The following FRMD4B variants were observed in gnomAD, a reference collection of about 807,000 sequenced individuals.
FRMD4B encodes the protein FERM domain containing 4B.
A neutral mutation model predicts 141.5 loss-of-function variants in FRMD4B; 74 were observed. The ratio of observed to expected loss-of-function variants is 0.52; its 90% CI spans 0.43 to 0.63. The LOEUF (loss-of-function observed/expected upper bound fraction) is 0.63, where lower values mean the gene tolerates loss of function less well. Ranked by LOEUF, FRMD4B falls within the 30% of genes least tolerant of loss-of-function variation. The pLI, the probability that FRMD4B is intolerant of heterozygous loss-of-function variation, is 0.00. For missense variants in FRMD4B, 1,366 were observed against 1,253.4 expected, an observed-to-expected ratio of 1.09 and a Z score of -1.36; for synonymous variants, 506 against 467.9, an observed-to-expected ratio of 1.08 and a Z score of -1.05.
Position 69,250,065 on chromosome 3 carries a change from T to G in FRMD4B, c.536A>C (p.Lys179Thr), listed in dbSNP as rs758740632. 2 of 1,610,894 alleles carry G rather than the reference T, an allele frequency of 1.2e-6. No homozygotes were observed. The highest frequency in any genetic ancestry group is 1.1e-5 in the South Asian group (1 of 91,026). ...TACCTGTAAAATAAACGCTGCTAAC[T>G]TGAAGATGGTTTCGCTCTCTACTTC... is the stretch of plus-strand genomic sequence containing the variant. ...QIEVESETIF[K>T]LAAFILQEAK... Residue 179 changes from lysine (K) to threonine (T), a missense_variant, in exon 6 of 23, where the codon AAG becomes ACG. Lys to Thr is a moderately conservative substitution (Grantham distance 78). Coordinates refer to ENST00000398540, the MANE Select transcript of FRMD4B (RefSeq NM_015123.3).
intron 2 of FRMD4B, among the ~76,000 whole-genome samples, chr3:69,404,568 G>C (rs1007031058): frequency 6.6e-6 from 1 of 152,024 alleles, no homozygotes; most frequent in Non-Finnish European, 1.5e-5. Context: ...CTTCTATTAT[G>C]GTAAAGCTGA....
At chr3:69,251,199 G>A (rs1041162688) in intron 5 of FRMD4B, among the ~76,000 whole-genome samples, 4 of 152,136 alleles carry the variant, frequency 2.6e-5, no homozygotes, top group African/African-American at 9.7e-5. Flanking sequence ...TGTATAATTA[G>A]TACTTGAAAG....
At chr3:69,447,338 C>A (rs556035676) in intron 1 of FRMD4B, among the ~76,000 whole-genome samples, 1 of 152,024 alleles carries the variant, frequency 6.6e-6, no homozygotes, top group Non-Finnish European at 1.5e-5. Context: ...ATAACCAGAA[C>A]CTTGATTTGG....
At chr3:69,303,048 T>C (rs1034308793) in intron 3 of FRMD4B, among the ~76,000 whole-genome samples, 2 of 152,308 alleles carry the variant, frequency 1.3e-5, no homozygotes, top group East Asian at 1.9e-4. Flanking sequence ...CACTCCAGCC[T>C]GGGCAACATC....
At chr3:69,490,365 T>C (rs973305316) in intron 1 of FRMD4B, among the ~76,000 whole-genome samples, 2 of 152,230 alleles carry the variant, frequency 1.3e-5, no homozygotes, top group African/African-American at 2.4e-5. Context: ...CATCAGTTCT[T>C]CTTTTTGTCA....
At position 69,278,762 on chromosome 3, in the gene FRMD4B, T is replaced by TA. The variant is rs151000941; in HGVS notation, c.501+8989dup. Among the ~76,000 whole-genome samples the TA allele has an allele frequency of 2.5e-3, 375 of 152,270 alleles. 15 individuals carry two copies. The East Asian group carries it at 0.065, about 27-fold the overall frequency. On this transcript the variant is annotated intron_variant, in intron 5 of 22. Coordinates refer to ENST00000398540, the MANE Select transcript of FRMD4B (RefSeq NM_015123.3). ...CCACTGCACCTGGCTAATTTTTTTT[T>TA]ATTTTTTGTAGAGACGGGGTTTCAC...
At chr3:69,283,488 T>C (rs1159684328) in intron 5 of FRMD4B, among the ~76,000 whole-genome samples, 1 of 150,160 alleles carries the variant, frequency 6.7e-6, no homozygotes, top group Non-Finnish European at 1.5e-5. Context: ...TGAAATGCAG[T>C]AGCATTTAAA....
chr3:69,540,636 A>AAATAT (rs1553652109), intron 1 of FRMD4B, among the ~76,000 whole-genome samples: 24 of 69,532 alleles, frequency 3.5e-4, no homozygotes, highest in Non-Finnish European at 4.6e-4. Context: ...AAAAAAAAAA[A>AAATAT]ATATATATAT....
At chr3:69,335,627 C>A (rs1219950180) in intron 1 of FRMD4B, among the ~76,000 whole-genome samples, 1 of 151,770 alleles carries the variant, frequency 6.6e-6, no homozygotes, top group African/African-American at 2.4e-5. Flanking sequence ...CATAATTGCA[C>A]TCTTAAGGAG....
At chr3:69,291,927 T>TTTTTTTTTTTA (rs1700889698) in intron 4 of FRMD4B, among the ~76,000 whole-genome samples, 1 of 149,538 alleles carries the variant, frequency 6.7e-6, no homozygotes. Context: ...TTTTTTTTTT[T>TTTTTTTTTTTA]TTTTTTCCAT....
chr3:69,227,083 G>A (rs925230789), intron 7 of FRMD4B, among the ~76,000 whole-genome samples: 18 of 152,188 alleles, frequency 1.2e-4, no homozygotes, highest in African/African-American at 4.3e-4. Context: ...GAAAGATGAA[G>A]TTTAGTCTTC....
chr3:69,265,232 GCAACACAGC>G, intron 5 of FRMD4B, among the ~76,000 whole-genome samples: 1 of 105,164 alleles, frequency 9.5e-6, no homozygotes, highest in African/African-American at 3.8e-5. Flanking sequence ...TCCAGCCTGG[GCAACACAGC>G]GAGACTCCAT....
chr3:69,479,197 T>C (rs1186722408), intron 1 of FRMD4B, among the ~76,000 whole-genome samples: 2 of 150,914 alleles, frequency 1.3e-5, no homozygotes, highest in African/African-American at 2.5e-5. Flanking sequence ...GAGCATTTAG[T>C]CCATTTACAT....
chr3:69,452,915 T>C (rs1705523262), intron 1 of FRMD4B, among the ~76,000 whole-genome samples: 1 of 152,022 alleles, frequency 6.6e-6, no homozygotes, highest in Admixed American at 6.6e-5. Flanking sequence ...GCCAAAACAT[T>C]ATTATTTTAC....
At chr3:69,314,077 T>G (rs1701707672) in intron 1 of FRMD4B, among the ~76,000 whole-genome samples, 3 of 115,390 alleles carry the variant, frequency 2.6e-5, no homozygotes, top group Non-Finnish European at 4.9e-5. Flanking sequence ...AGGCGGAGCT[T>G]GCAGTGAGCC....
intron 1 of FRMD4B, among the ~76,000 whole-genome samples, chr3:69,499,591 A>G (rs1367265667): frequency 6.6e-6 from 1 of 152,216 alleles, no homozygotes; most frequent in Non-Finnish European, 1.5e-5. Context: ...TGCAATCCAC[A>G]TCTCTATAGC....
At chr3:69,445,973 T>G (rs1471335359) in intron 1 of FRMD4B, among the ~76,000 whole-genome samples, 1 of 152,176 alleles carries the variant, frequency 6.6e-6, no homozygotes, top group East Asian at 1.9e-4. Context: ...CCTGGGACAA[T>G]GCACATAGTA....
At chr3:69,190,989 A>G (rs924966764) in intron 17 of FRMD4B, among the ~76,000 whole-genome samples, 5 of 152,252 alleles carry the variant, frequency 3.3e-5, no homozygotes, top group Non-Finnish European at 7.3e-5. Flanking sequence ...TAACGGATGT[A>G]AAGCCCCTAG....
At chr3:69,175,383 CAG>C (rs1230599910) in intron 22 of FRMD4B, among the ~76,000 whole-genome samples, 1 of 152,186 alleles carries the variant, frequency 6.6e-6, no homozygotes, top group Non-Finnish European at 1.5e-5. Flanking sequence ...AAAACTAATT[CAG>C]AGTTTGCAAT....
Sources: gnomAD v4.1 joint callset for allele counts (sites outside exome capture counted in the v4.1 genomes callset) on GRCh38, gnomAD v4.1.1 for gene constraint, MANE v1.5 for transcripts, NCBI Gene and HGNC (gene_info 2026-07-23, HGNC 2026-07-21) for gene names.